Variants in YWHAZ observed in about 807,000 individuals in gnomAD.
The protein encoded by YWHAZ is 14-3-3 protein zeta/delta.
For missense variants in YWHAZ, 79 were observed against 284.8 expected (o/e 0.28, Z 5.20); for synonymous variants, 87 against 103.6 (o/e 0.84, Z 0.97).
intron 2 of YWHAZ, among the ~76,000 whole-genome samples, chr8:100,929,485 G>T (rs1201084735): frequency 6.6e-6 from 1 of 152,110 alleles, no homozygotes; most frequent in African/African-American, 2.4e-5. Context: ...CAGGCGTAAA[G>T]CCACTGCACC....
intron 2 of YWHAZ, among the ~76,000 whole-genome samples, chr8:100,947,015 A>G (rs1810335197): frequency 6.6e-6 from 1 of 151,868 alleles, no homozygotes; most frequent in Admixed American, 6.6e-5. Context: ...GCACTTTGGG[A>G]GGCTGAGGAG....
At chr8:100,952,767 C>G, upstream of YWHAZ, 1 of 997,228 alleles carries the variant, frequency 1.0e-6, no homozygotes, top group Non-Finnish European at 1.2e-6. Flanking sequence ...TGCCCCCCGC[C>G]CCGCCCGCCG....
intron 2 of YWHAZ, among the ~76,000 whole-genome samples, chr8:100,936,469 A>T (rs1443047380): frequency 2.6e-5 from 4 of 152,148 alleles, no homozygotes; most frequent in Admixed American, 6.6e-5. Context: ...AGGACACCAT[A>T]TCACTTCCAG....
chr8:100,932,545 T>A (rs1197103717), intron 2 of YWHAZ, among the ~76,000 whole-genome samples: 1 of 152,242 alleles, frequency 6.6e-6, no homozygotes, highest in Non-Finnish European at 1.5e-5. Context: ...ATGGTGGTAG[T>A]AATTATTTTC....
chr8:100,933,009 C>A (rs1813864794), intron 2 of YWHAZ, among the ~76,000 whole-genome samples: 3 of 152,138 alleles, frequency 2.0e-5, no homozygotes, highest in Admixed American at 1.3e-4. Context: ...GGGTTTGCAC[C>A]AGTGCTAAAT....
intron 1 of YWHAZ, among the ~76,000 whole-genome samples, chr8:100,949,347 A>G (rs573494477): frequency 1.3e-3 from 203 of 152,312 alleles, no homozygotes; most frequent in African/African-American, 4.4e-3. Context: ...ATCATAATTC[A>G]TATCAGTTTA....
At chr8:100,951,088 C>G in intron 1 of YWHAZ, 5 of 730,556 alleles carry the variant, frequency 6.8e-6, no homozygotes, top group Non-Finnish European at 8.4e-6. Flanking sequence ...TCAGACCCAT[C>G]CCCCACCCCC....
intron 2 of YWHAZ, among the ~76,000 whole-genome samples, chr8:100,926,883 A>G (rs1273151791): frequency 6.6e-6 from 1 of 152,202 alleles, no homozygotes; most frequent in East Asian, 1.9e-4. Context: ...GAAACAAATG[A>G]CCAGGATTTT....
intron 1 of YWHAZ, chr8:100,951,014 C>A: frequency 5.3e-6 from 2 of 380,758 alleles, no homozygotes; most frequent in Non-Finnish European, 7.2e-6. Flanking sequence ...CTGTTCTCTA[C>A]CCCGACCTGG....
chr8:100,938,260 A>G (rs565238067), intron 2 of YWHAZ, among the ~76,000 whole-genome samples: 4 of 152,374 alleles, frequency 2.6e-5, no homozygotes, highest in Admixed American at 6.5e-5. Context: ...TCAATCTACA[A>G]TAAGATGATA....
chr8:100,918,676 AAC>A lies in YWHAZ; in HGVS notation c.*2015_*2016del, dbSNP rs970291867. ...GAGGTCATAATAAAACAAGCAACAA[AAC>A]AGTGTTTGGGATTTCAGTTTCTCAC... On this transcript the variant is annotated 3_prime_UTR_variant, in exon 6 of 6. Transcript: ENST00000395958. 1 of 151,924 alleles carries A rather than the reference AAC, an allele frequency of 6.6e-6. No individual in the cohort carries two copies. Among genetic ancestry groups the A allele is most frequent in the South Asian group, 2.1e-4 (1 of 4,820 alleles). 9.4% of individuals were successfully genotyped at this position (151,924 alleles called of 1,614,324 possible).
chr8:100,950,657 TGG>T (rs1554618210), intron 1 of YWHAZ: 33 of 721,974 alleles, frequency 4.6e-5, no homozygotes, highest in East Asian at 1.9e-4. Context: ...GCCCAAGCCG[TGG>T]GGGGGGGGGA....
chr8:100,950,415 G>C, intron 1 of YWHAZ: 1 of 985,470 alleles, frequency 1.0e-6, no homozygotes, highest in Non-Finnish European at 1.2e-6. Context: ...CCTGACTTGA[G>C]ACGTCGGTTA....
rs920364057 is a variant in YWHAZ at position 100,933,923 on chromosome 8, G to A, written c.295-8884C>T. Among the ~76,000 whole-genome samples the A allele has an allele frequency of 1.1e-4, 17 of 151,906 alleles. No homozygotes were observed. In the South Asian group the frequency reaches 1.5e-3, roughly 13 times the overall value. On this transcript the variant is annotated intron_variant, in intron 2 of 5. Coordinates refer to ENST00000395958, the MANE Select transcript of YWHAZ (RefSeq NM_145690.3). ...TGTAATCCCAGCACTTTGGGAGGCC[G>A]AGGTGGGTGGATCACTTGAGGTCAG...
Position 100,948,860 on chromosome 8 carries a change from G to T in YWHAZ, c.30C>A (p.Ala10=), listed in dbSNP as rs763784540. The change falls in exon 2 of 6, where the codon GCC becomes GCA. Residue 10 remains alanine (A), a synonymous_variant. Transcript: ENST00000395958. This position sits in a 1 kb window ranked among gnomAD's most constrained non-coding sequence, Gnocchi z 4.2. ...ATCGCTCAGCCTGCTCGGCCAGTTT[G>T]GCCTTCTGAACCAGCTCATTTTTAT... MDKNELVQK[A]KLAEQAERYD... is the part of the protein sequence containing the mutation. The T allele has an allele frequency of 6.3e-7, 1 of 1,597,184 alleles. No individual in the cohort carries two copies. The highest frequency in any genetic ancestry group is 2.2e-5 in the East Asian group (1 of 44,854).
chr8:100,951,358 A>G (rs2130388005), intron 1 of YWHAZ: 2 of 983,180 alleles, frequency 2.0e-6, no homozygotes, highest in East Asian at 2.3e-4. Flanking sequence ...GGGGTGGGGG[A>G]GGGCCGGGTC....
intron 2 of YWHAZ, among the ~76,000 whole-genome samples, chr8:100,935,458 T>C (rs1814079301): frequency 6.6e-6 from 1 of 152,182 alleles, no homozygotes; most frequent in Non-Finnish European, 1.5e-5. Flanking sequence ...GAAATTCAGG[T>C]TGACACTACA....
chr8:100,945,716 A>G (rs2130336161), intron 2 of YWHAZ, among the ~76,000 whole-genome samples: 1 of 152,304 alleles, frequency 6.6e-6, no homozygotes, highest in South Asian at 2.1e-4. Flanking sequence ...TTTATGCAAT[A>G]TGTTTCCAGA....
In YWHAZ at chr8:100,948,235, A is replaced by C; in HGVS notation, c.294+361T>G. On this transcript the variant is annotated intron_variant, in intron 2 of 5. Coordinates refer to ENST00000395958, the MANE Select transcript of YWHAZ (RefSeq NM_145690.3). This position sits in a 1 kb window ranked among gnomAD's most constrained non-coding sequence, Gnocchi z 4.2. ...ATCTCTCTTACCTAAAGTATGTAAA[A>C]TTCCTTTATCCACAGATGTACATTT... The C allele has an allele frequency of 3.4e-6, 4 of 1,165,128 alleles. No homozygotes were observed. The highest frequency in any genetic ancestry group is 4.7e-6 in the Non-Finnish European group (4 of 849,138). 72.2% of individuals were successfully genotyped at this position (1,165,128 alleles called of 1,614,324 possible).
Sources: allele counts gnomAD v4.1 joint callset (sites outside exome capture counted in the v4.1 genomes callset), GRCh38; gene constraint gnomAD v4.1.1; non-coding constraint Gnocchi (gnomAD v3.1); transcripts MANE v1.5; gene names NCBI Gene and HGNC (gene_info 2026-07-23, HGNC 2026-07-21).